The following TBC1D4 variants were observed in gnomAD, a reference collection of about 807,000 sequenced individuals.
TBC1D4 encodes TBC1 domain family member 4.
Under a neutral mutation model 142.5 loss-of-function variants are expected in TBC1D4, and 121 were observed. That is an observed-to-expected ratio of 0.85 (90% confidence interval 0.73 to 0.99). The LOEUF (loss-of-function observed/expected upper bound fraction) is 0.99, where lower values mean the gene tolerates loss of function less well. Ranked by LOEUF, TBC1D4 falls within the 50% of genes least tolerant of loss-of-function variation. The pLI, the probability that TBC1D4 is intolerant of heterozygous loss-of-function variation, is 0.00. For missense variants in TBC1D4, 1,475 were observed against 1,606.6 expected (o/e 0.92, Z 1.40); for synonymous variants, 630 against 628.2 (o/e 1.00, Z -0.04).
intron 1 of TBC1D4, among the ~76,000 whole-genome samples, chr13:75,439,467 T>G (rs1886943965): frequency 6.6e-6 from 1 of 152,192 alleles, no homozygotes; most frequent in African/African-American, 2.4e-5. Context: ...ACACAAAATA[T>G]TAAGACTGCT....
At chr13:75,442,868 CAG>C (rs1887105695) in intron 1 of TBC1D4, among the ~76,000 whole-genome samples, 1 of 151,820 alleles carries the variant, frequency 6.6e-6, no homozygotes, top group African/African-American at 2.4e-5. Context: ...AAAAAGAAAA[CAG>C]AAACAGTCCA....
chr13:75,395,810 A>G (rs1884767283), intron 1 of TBC1D4, among the ~76,000 whole-genome samples: 1 of 152,324 alleles, frequency 6.6e-6, no homozygotes, highest in African/African-American at 2.4e-5. Flanking sequence ...AGCCTGGGCA[A>G]CAGAGTGAGA....
At chr13:75,409,544 T>C (rs544226314) in intron 1 of TBC1D4, among the ~76,000 whole-genome samples, 22 of 152,322 alleles carry the variant, frequency 1.4e-4, no homozygotes, top group African/African-American at 4.3e-4. Context: ...GGCTAACAGA[T>C]AAATTTAAAG....
intron 1 of TBC1D4, among the ~76,000 whole-genome samples, chr13:75,383,811 T>C (rs1345615867): frequency 6.6e-6 from 1 of 152,184 alleles, no homozygotes; most frequent in East Asian, 1.9e-4. Context: ...GGGGCTACTG[T>C]ATATAACTGG....
intron 1 of TBC1D4, among the ~76,000 whole-genome samples, chr13:75,374,896 A>C (rs557296359): frequency 1.3e-5 from 2 of 152,282 alleles, no homozygotes; most frequent in Admixed American, 6.5e-5. Context: ...ATTTAGAACA[A>C]ATGGTTTCAG....
intron 12 of TBC1D4, among the ~76,000 whole-genome samples, chr13:75,319,482 T>G (rs552584755): frequency 6.6e-6 from 1 of 152,342 alleles, no homozygotes; most frequent in South Asian, 2.1e-4. Context: ...AGGAACTAGG[T>G]GTTTCCTGTG....
rs1479093642 is a variant in TBC1D4, at chr13:75,356,249, A to G, written c.1173T>C (p.Gly391=). 6.2e-7 allele frequency: 1 copy of G among 1,607,416 alleles called. No individual in the cohort carries two copies. The highest frequency in any genetic ancestry group is 1.3e-5 in the African/African-American group (1 of 74,794). The change falls in exon 4 of 21, where the codon GGT becomes GGC. Residue 391 remains glycine (G), a splice_region_variant and synonymous_variant. Transcript: ENST00000377636. ...NFKDISSCSQ[G]IKHVDHFGFI... ...AGCCAAAGTGATCCACATGCTTTAT[A>G]CCCTAGATGGAGGGGAAGAAGTGCA...
chr13:75,431,819 T>G (rs1330983757), intron 1 of TBC1D4, among the ~76,000 whole-genome samples: 1 of 152,092 alleles, frequency 6.6e-6, no homozygotes, highest in Non-Finnish European at 1.5e-5. Context: ...ATTCTAGAAA[T>G]AGGATATGAA....
intron 1 of TBC1D4, among the ~76,000 whole-genome samples, chr13:75,449,104 C>T (rs78373291): frequency 0.036 from 5,431 of 151,684 alleles, 133 homozygotes; most frequent in Non-Finnish European, 0.056. Flanking sequence ...CTTACATTAC[C>T]TAATATTAAC....
intron 1 of TBC1D4, among the ~76,000 whole-genome samples, chr13:75,369,669 C>G (rs1483831604): frequency 2.0e-5 from 3 of 152,146 alleles, no homozygotes; most frequent in Non-Finnish European, 4.4e-5. Flanking sequence ...CCCCCTAGGT[C>G]TCAGGTTTTT....
At chr13:75,455,419 A>T (rs1887690881) in intron 1 of TBC1D4, among the ~76,000 whole-genome samples, 1 of 151,126 alleles carries the variant, frequency 6.6e-6, no homozygotes, top group Admixed American at 6.6e-5. Context: ...ATTGGAGTTT[A>T]AAAAAAAAGT....
intron 1 of TBC1D4, among the ~76,000 whole-genome samples, chr13:75,443,942 T>C (rs184042681): frequency 1.3e-5 from 2 of 149,734 alleles, no homozygotes; most frequent in Admixed American, 6.7e-5. Context: ...TCTTAAAGCA[T>C]TTTATAAGCA....
chr13:75,471,984 G>A (rs372542028), intron 1 of TBC1D4, among the ~76,000 whole-genome samples: 43 of 151,926 alleles, frequency 2.8e-4, no homozygotes, highest in African/African-American at 9.9e-4. Flanking sequence ...GCGGGCGCCT[G>A]TAGTCCCAGC....
At chr13:75,373,119 A>C (rs753278984) in intron 1 of TBC1D4, among the ~76,000 whole-genome samples, 1 of 152,260 alleles carries the variant, frequency 6.6e-6, no homozygotes, top group Non-Finnish European at 1.5e-5. Flanking sequence ...GCGACGGCTC[A>C]GCCCAGAGGG....
intron 1 of TBC1D4, among the ~76,000 whole-genome samples, chr13:75,398,421 G>A (rs115262180): frequency 0.02 from 3,000 of 152,262 alleles, 98 homozygotes; most frequent in African/African-American, 0.068. Context: ...TGCTAGTGAG[G>A]AAACGGCTAC....
rs1280129100 is a variant in TBC1D4 at position 75,326,311 on chromosome 13, G to A, written c.1919C>T (p.Ala640Val). The A allele has an allele frequency of 1.2e-6, 2 of 1,614,122 alleles. No homozygotes were observed. Residue 640 changes from alanine to valine, a missense_variant, in exon 10 of 21, where the codon GCA becomes GTA. Around this residue, in one of 2 missense-constraint regions of TBC1D4, gnomAD observed 1,227 missense variants for 1,267.7 expected, o/e 0.97. Transcript: ENST00000377636. ...TGAAGGTGGGTGGCTGAACGTGTGT[G>A]CCCGTCTTCGAAACTGCGGGGAGTC... ...DSDSPQFRRR[A>V]HTFSHPPSST...
At chr13:75,327,423 G>A (rs1318950845) in intron 9 of TBC1D4, among the ~76,000 whole-genome samples, 1 of 151,856 alleles carries the variant, frequency 6.6e-6, no homozygotes, top group South Asian at 2.1e-4. Flanking sequence ...CACGGGAAGG[G>A]AACAAATAAA....
At chr13:75,401,412 A>G (rs1185246773) in intron 1 of TBC1D4, among the ~76,000 whole-genome samples, 1 of 152,190 alleles carries the variant, frequency 6.6e-6, no homozygotes, top group Non-Finnish European at 1.5e-5. Context: ...CCACCCACAT[A>G]ACTATCCTTA....
At chr13:75,292,081 C>T (rs1165773020) in intron 19 of TBC1D4, 21 bp downstream of exon 19, 7 of 1,588,032 alleles carry the variant, frequency 4.4e-6, no homozygotes, top group Non-Finnish European at 5.2e-6. Context: ...CTATATAATA[C>T]TATTAGCATT....
Sources: gnomAD v4.1 joint callset for allele counts (sites outside exome capture counted in the v4.1 genomes callset) on GRCh38, gnomAD v4.1.1 for gene constraint, gnomAD v4.1.1 regional missense constraint, MANE v1.5 for transcripts, NCBI Gene and HGNC (gene_info 2026-07-23, HGNC 2026-07-21) for gene names.